Variants in ATP10A observed in about 807,000 individuals in gnomAD.
The protein encoded by ATP10A is ATPase phospholipid transporting 10A (putative).
ATP10A carries 111 observed loss-of-function variants against 147.8 expected under a neutral mutation model. The ratio of observed to expected loss-of-function variants is 0.75; its 90% CI spans 0.64 to 0.88. The LOEUF (loss-of-function observed/expected upper bound fraction) is 0.88. Ranked by LOEUF, ATP10A falls within the 40% of genes least tolerant of loss-of-function variation. The pLI is 0.00. For synonymous variants in ATP10A, 875 were observed against 841.6 expected (o/e 1.04, Z -0.69); for missense variants, 1,927 against 1,959.0 (o/e 0.98, Z 0.31).
intron 1 of ATP10A, among the ~76,000 whole-genome samples, chr15:25,853,206 T>C (rs1893367630): frequency 6.6e-6 from 1 of 151,518 alleles, no homozygotes; most frequent in Non-Finnish European, 1.5e-5. Context: ...AGGCTAAGAG[T>C]CTTCTAAAAA....
At chr15:25,735,015 G>A (rs1459367784) in intron 3 of ATP10A, among the ~76,000 whole-genome samples, 3 of 34,374 alleles carry the variant, frequency 8.7e-5, no homozygotes, top group East Asian at 1.4e-3. Context: ...GGGGGGGGGT[G>A]GGGGGGTGGG....
chr15:25,761,345 A>T (rs1888747529), intron 2 of ATP10A, among the ~76,000 whole-genome samples: 1 of 152,248 alleles, frequency 6.6e-6, no homozygotes, highest in Admixed American at 6.5e-5. Context: ...TAATTTATAA[A>T]GGAAAGAGAG....
Position 25,721,636 on chromosome 15 carries a change from G to A in ATP10A, c.1363+21C>T, listed in dbSNP as rs111480046. 134 of 1,604,206 alleles carry A rather than the reference G, an allele frequency of 8.4e-5. No homozygotes were observed. In the African/African-American group the frequency reaches 1.4e-3, roughly 17 times the overall value. ...CTTTCTGGTTCAGCCTGGGTTGGGA[G>A]CCCCGCACCCCCAGACTCACCATTT... On this transcript the variant is annotated intron_variant, in intron 7 of 20. Transcript: ENST00000555815.
At chr15:25,837,665 A>ACGAG (rs1316227166) in intron 1 of ATP10A, among the ~76,000 whole-genome samples, 1 of 152,184 alleles carries the variant, frequency 6.6e-6, no homozygotes, top group Non-Finnish European at 1.5e-5. Context: ...TCTAACATGA[A>ACGAG]CGAGCGCCAC....
intron 1 of ATP10A, among the ~76,000 whole-genome samples, chr15:25,842,346 T>C (rs180828088): frequency 6.6e-6 from 1 of 152,304 alleles, no homozygotes. Context: ...CAGGGTCTCA[T>C]GGTGTTGCTA....
At chr15:25,718,106 A>C in intron 8 of ATP10A, 76 bp downstream of exon 8, 4 of 1,465,778 alleles carry the variant, frequency 2.7e-6, no homozygotes, top group Non-Finnish European at 2.8e-6. Flanking sequence ...AAATATAGAC[A>C]CCTTCCATGA....
intron 2 of ATP10A, among the ~76,000 whole-genome samples, chr15:25,766,016 A>C (rs1356845774): frequency 6.6e-6 from 1 of 152,242 alleles, no homozygotes; most frequent in Non-Finnish European, 1.5e-5. Context: ...AAGAGATTTA[A>C]TTGGACTTAC....
intron 2 of ATP10A, among the ~76,000 whole-genome samples, chr15:25,773,083 T>G (rs1395117015): frequency 6.6e-6 from 1 of 152,140 alleles, no homozygotes; most frequent in African/African-American, 2.4e-5. Context: ...GCAATAGTGT[T>G]TCCTGAAGTC....
At chr15:25,731,690 G>T (rs928873367) in intron 3 of ATP10A, among the ~76,000 whole-genome samples, 1 of 152,200 alleles carries the variant, frequency 6.6e-6, no homozygotes, top group African/African-American at 2.4e-5. Flanking sequence ...GTTACTTCCA[G>T]ATCCTAACTC....
intron 1 of ATP10A, among the ~76,000 whole-genome samples, chr15:25,859,307 A>G (rs1419038529): frequency 6.6e-6 from 1 of 152,160 alleles, no homozygotes; most frequent in Non-Finnish European, 1.5e-5. Flanking sequence ...ATGTCAGCTA[A>G]AGGGAAGTCC....
chr15:25,730,301 CAAAAAA>C (rs763070472), intron 3 of ATP10A, among the ~76,000 whole-genome samples: 8 of 9,166 alleles, frequency 8.7e-4, no homozygotes, highest in African/African-American at 1.7e-3. Context: ...GACTCTGTCT[CAAAAAA>C]AAAAAAAAAA....
At chr15:25,713,398 T>C (rs187428243) in intron 10 of ATP10A, among the ~76,000 whole-genome samples, 8 of 152,258 alleles carry the variant, frequency 5.3e-5, no homozygotes, top group Middle Eastern at 3.4e-3. Context: ...ACCTTCATTG[T>C]TCAAATTTAA....
In ATP10A at chr15:25,680,213, C is replaced by T. The variant is rs768985513; in HGVS notation, c.3774G>A (p.Pro1258=). 13 of 1,613,906 alleles carry T rather than the reference C, an allele frequency of 8.1e-6. No individual in the cohort carries two copies. Among genetic ancestry groups the T allele is most frequent in the Admixed American group, 5.0e-5 (3 of 59,984 alleles). The change falls in exon 20 of 21, where the codon CCG becomes CCA. Residue 1258 remains proline, a synonymous_variant. Coordinates refer to ENST00000555815, the MANE Select transcript of ATP10A (RefSeq NM_024490.4). ...YNASCATCYP[P]SNPYWTMQAL... is the part of the protein sequence containing the mutation. ...CTTGCATAGTCCAGTAAGGGTTGGA[C>T]GGAGGATAGCACGTGGCACAAGACG...
In ATP10A at chr15:25,862,775, G is replaced by A. The variant is rs1195499370; in HGVS notation, c.322C>T (p.Pro108Ser). 6 of 1,610,886 alleles carry A rather than the reference G, an allele frequency of 3.7e-6. No homozygotes were observed. Among genetic ancestry groups the A allele is most frequent in the Non-Finnish European group, 5.1e-6 (6 of 1,178,546 alleles). ...AGCACCGGCGCCAGTGCCAGGCCGG[G>A]CTGGAAGGCGTTCACCGCCGGCACG... ...NFVPAVNAFQ[P>S]GLALAPVLFI... is the part of the protein sequence containing the mutation. Residue 108 changes from proline (P) to serine (S), a missense_variant, in exon 1 of 21, where the codon CCC (proline) becomes TCC (serine). Pro to Ser is a moderately conservative substitution (Grantham distance 74). Coordinates refer to ENST00000555815, the MANE Select transcript of ATP10A (RefSeq NM_024490.4).
At chr15:25,731,629 T>G (rs1376260701) in intron 3 of ATP10A, among the ~76,000 whole-genome samples, 3 of 152,180 alleles carry the variant, frequency 2.0e-5, no homozygotes, top group African/African-American at 7.2e-5. Flanking sequence ...CATCTCAGGG[T>G]TGGGGCTAAG....
chr15:25,841,385 G>C (rs1197999102), intron 1 of ATP10A: 1 of 151,426 alleles, frequency 6.6e-6, no homozygotes, highest in Admixed American at 6.6e-5. Flanking sequence ...GGGCATATCT[G>C]TTGGGACTTA....
chr15:25,739,233 C>A (rs1054317370), intron 2 of ATP10A, among the ~76,000 whole-genome samples: 1 of 152,118 alleles, frequency 6.6e-6, no homozygotes, highest in Non-Finnish European at 1.5e-5. Flanking sequence ...CTGCACTCGG[C>A]CTTAATTGCT....
chr15:25,693,066 G>C (rs1021737478), intron 14 of ATP10A, among the ~76,000 whole-genome samples: 1 of 151,942 alleles, frequency 6.6e-6, no homozygotes, highest in Admixed American at 6.6e-5. Flanking sequence ...CTATTGCCTA[G>C]GCTGGAGTGT....
At chr15:25,759,459 T>C (rs1888635438) in intron 2 of ATP10A, among the ~76,000 whole-genome samples, 1 of 151,872 alleles carries the variant, frequency 6.6e-6, no homozygotes, top group Non-Finnish European at 1.5e-5. Context: ...GAGGGAGGAG[T>C]TTGAGCCTCT....
Sources: allele counts gnomAD v4.1 joint callset (sites outside exome capture counted in the v4.1 genomes callset), GRCh38; gene constraint gnomAD v4.1.1; transcripts MANE v1.5; gene names NCBI Gene and HGNC (gene_info 2026-07-23, HGNC 2026-07-21).